KCNN2: variants seen among roughly 807,000 people sequenced by gnomAD.
KCNN2 encodes small conductance calcium-activated potassium channel protein 2.
KCNN2 carries 24 observed loss-of-function variants against 55.5 expected under a neutral mutation model. That is an observed-to-expected ratio of 0.43 (90% CI 0.31 to 0.61). The LOEUF is 0.61. KCNN2 is among the 20% of genes least tolerant of loss of function. KCNN2 has a pLI of 0.08. For missense variants in KCNN2, 754 were observed against 853.6 expected, an observed-to-expected ratio of 0.88 and a Z score of 1.45; for synonymous variants, 431 against 336.1, an observed-to-expected ratio of 1.28 and a Z score of -3.09.
intron 2 of KCNN2, among the ~76,000 whole-genome samples, chr5:114,305,023 C>T (rs537894275): frequency 3.9e-5 from 6 of 152,098 alleles, no homozygotes; most frequent in South Asian, 2.1e-4. Flanking sequence ...AGCGTCTAAT[C>T]GCAAGATGGA....
At chr5:114,487,670 C>T (rs1305290039) in intron 6 of KCNN2, among the ~76,000 whole-genome samples, 1 of 152,104 alleles carries the variant, frequency 6.6e-6, no homozygotes, top group Non-Finnish European at 1.5e-5. Context: ...TTTATCCAGA[C>T]CACTATTATG....
intron 2 of KCNN2, among the ~76,000 whole-genome samples, chr5:114,320,886 T>C (rs1756602122): frequency 6.6e-6 from 1 of 152,190 alleles, no homozygotes; most frequent in Non-Finnish European, 1.5e-5. Flanking sequence ...ATGGAAATCA[T>C]TGAAATGTTA....
At chr5:114,414,573 A>G (rs1034443945) in intron 3 of KCNN2, among the ~76,000 whole-genome samples, 6 of 152,176 alleles carry the variant, frequency 3.9e-5, no homozygotes, top group African/African-American at 9.7e-5. Context: ...CTCTCATTCA[A>G]AATCCCATGA....
chr5:114,463,027 G>A, intron 3 of KCNN2, 22 bp from the exon 4 acceptor site: 1 of 1,608,152 alleles, frequency 6.2e-7, no homozygotes, highest in Non-Finnish European at 8.5e-7. Context: ...ATAAAGGACT[G>A]GTTTTGTTTG....
chr5:114,334,681 C>A (rs1233040703), intron 2 of KCNN2, among the ~76,000 whole-genome samples: 1 of 151,916 alleles, frequency 6.6e-6, no homozygotes, highest in Non-Finnish European at 1.5e-5. Flanking sequence ...ATTCCAAACA[C>A]TTAAAAAAAT....
intron 2 of KCNN2, among the ~76,000 whole-genome samples, chr5:114,395,620 A>G (rs556277101): frequency 1.3e-5 from 2 of 152,350 alleles, no homozygotes; most frequent in South Asian, 2.1e-4. Flanking sequence ...TTCTACGGTT[A>G]GATTTTCATA....
rs116425615 is a variant in KCNN2, at chr5:114,059,153, T to A, written c.-271+2653T>A. ...ACAATTGAGGGCAGAATGGACAAGG[T>A]TTGGGTGATGGATTAGATATAAGGG... On this transcript the variant is annotated intron_variant, in intron 1 of 10. Transcript: ENST00000512097. Among the ~76,000 whole-genome samples, 524 of 151,980 alleles carry A rather than the reference T, an allele frequency of 3.4e-3. 3 individuals carry two copies. Among genetic ancestry groups the A allele is most frequent in the Non-Finnish European group, 4.6e-3 (315 of 67,964 alleles).
rs533775843 is a variant in KCNN2, at chr5:114,387,767, A to T, written c.1219-16671A>T. 1.3e-3 allele frequency among the ~76,000 whole-genome samples: 198 copies of T among 152,172 alleles called. 1 individual carries two copies. The highest frequency in any genetic ancestry group is 4.6e-3 in the African/African-American group (190 of 41,502). ...TCTACATCCTGTAGCTCTGAGGGAGACTCAGAGACTAGACTCTCTGACATT... is the reference window on the plus strand; with the variant it reads ...TCTACATCCTGTAGCTCTGAGGGAGTCTCAGAGACTAGACTCTCTGACATT... On this transcript the variant is annotated intron_variant, in intron 2 of 7. Coordinates refer to ENST00000673685, the MANE Select transcript of KCNN2 (RefSeq NM_021614.4).
chr5:114,334,260 ATGTGTGTG>A (rs56654295), intron 2 of KCNN2, among the ~76,000 whole-genome samples: 4,697 of 138,266 alleles, frequency 0.034, 207 homozygotes, highest in African/African-American at 0.11. Context: ...CATATGCCTG[ATGTGTGTG>A]TGTGTGTGTG....
At chr5:114,295,412 C>G (rs950263302) in intron 2 of KCNN2, among the ~76,000 whole-genome samples, 16 of 152,152 alleles carry the variant, frequency 1.1e-4, no homozygotes, top group Non-Finnish European at 1.8e-4. Context: ...GGCAGGCACC[C>G]CTCCCCCAGC....
chr5:114,082,156 C>T (rs191510683), intron 1 of KCNN2, among the ~76,000 whole-genome samples: 1 of 151,860 alleles, frequency 6.6e-6, no homozygotes, highest in Non-Finnish European at 1.5e-5. Context: ...TGATACCAAT[C>T]CTAGCATCAT....
chr5:114,362,874 C>T lies in KCNN2; in HGVS notation c.735C>T (p.Pro245=), dbSNP rs1411867691. 1 of 1,598,888 alleles carries T rather than the reference C, an allele frequency of 6.3e-7. No homozygotes were observed. The highest frequency in any genetic ancestry group is 1.7e-5 in the Admixed American group (1 of 59,810). The change falls in exon 1 of 8, where the codon CCC becomes CCT. Residue 245 remains proline (P), a synonymous_variant. Transcript: ENST00000673685. Reference sequence around the variant, plus strand: ...ACGAGATGGACTCAGAGGCGCAGCCCCTGCAGCCCCCCGCGTCTGTCGGAG... The same window carrying T: ...ACGAGATGGACTCAGAGGCGCAGCCTCTGCAGCCCCCCGCGTCTGTCGGAG... ...NLHEMDSEAQ[P]LQPPASVGGG...
rs1237081417 is a variant in KCNN2 at position 114,454,713 on chromosome 5, T to TATC, written c.1638-8335_1638-8333dup. On this transcript the variant is annotated intron_variant, in intron 3 of 7. Transcript: ENST00000673685. ...CCAGTGTATCCCCAGAGAATGAACCTATCTCCTGTGAGTTGTCTGTTGATA... is the reference window on the plus strand; with the variant it reads ...CCAGTGTATCCCCAGAGAATGAACCTATCATCTCCTGTGAGTTGTCTGTTGATA... 2.6e-5 allele frequency among the ~76,000 whole-genome samples: 4 copies of TATC among 152,192 alleles called. No homozygotes were observed. The South Asian group carries it at 6.2e-4, about 24-fold the overall frequency.
intron 2 of KCNN2, among the ~76,000 whole-genome samples, chr5:114,331,693 G>C (rs886612948): frequency 6.6e-6 from 1 of 152,168 alleles, no homozygotes; most frequent in African/African-American, 2.4e-5. Flanking sequence ...AAGTGACCAA[G>C]TATGTTCTCT....
At chr5:114,056,641 T>G (rs1750215614) in intron 1 of KCNN2, 1 of 388,498 alleles carries the variant, frequency 2.6e-6, no homozygotes, top group Non-Finnish European at 4.5e-6. Context: ...CAGCACCCAC[T>G]CATACCTTAA....
At chr5:114,354,857 A>G (rs946963372) in intron 2 of KCNN2, among the ~76,000 whole-genome samples, 5 of 152,242 alleles carry the variant, frequency 3.3e-5, no homozygotes, top group Middle Eastern at 3.4e-3. Context: ...GTTTTGTATG[A>G]CCTAATTATT....
intron 2 of KCNN2, among the ~76,000 whole-genome samples, chr5:114,235,267 T>A (rs375111006): frequency 2.0e-5 from 3 of 152,228 alleles, no homozygotes; most frequent in African/African-American, 7.2e-5. Flanking sequence ...TTTGCTTCAT[T>A]ATTGCATCCA....
chr5:114,179,377 G>A (rs1408815608), intron 1 of KCNN2, among the ~76,000 whole-genome samples: 2 of 152,180 alleles, frequency 1.3e-5, no homozygotes, highest in Non-Finnish European at 1.5e-5. Context: ...CACAGCCTGG[G>A]AGCTTGCTTT....
intron 1 of KCNN2, among the ~76,000 whole-genome samples, chr5:114,211,587 CA>C (rs1012571808): frequency 1.3e-5 from 2 of 151,838 alleles, no homozygotes; most frequent in African/African-American, 4.8e-5. Context: ...GAAGGAAGAT[CA>C]AAAAGATAAC....
Sources: allele counts gnomAD v4.1 joint callset (sites outside exome capture counted in the v4.1 genomes callset), GRCh38; gene constraint gnomAD v4.1.1; transcripts MANE v1.5; gene names NCBI Gene and HGNC (gene_info 2026-07-23, HGNC 2026-07-21).